Variants in NRXN3 observed in about 807,000 individuals in gnomAD.
NRXN3 encodes neurexin 3.
In NRXN3, 32 loss-of-function variants were observed where a neutral mutation model predicts 137.6. The ratio of observed to expected loss-of-function variants is 0.23; its 90% CI spans 0.18 to 0.31. The LOEUF (loss-of-function observed/expected upper bound fraction) is 0.31, where lower values mean the gene tolerates loss of function less well. Among genes scored for constraint, NRXN3 ranks in the 10% least tolerant of loss-of-function variants. The pLI is 1.00. For synonymous variants in NRXN3, 798 were observed against 784.5 expected (o/e 1.02, Z -0.29); for missense variants, 1,574 against 2,062.5 (o/e 0.76, Z 4.59).
chr14:78,351,618 T>G (rs2083502526), intron 4 of NRXN3, among the ~76,000 whole-genome samples: 1 of 152,134 alleles, frequency 6.6e-6, no homozygotes, highest in Non-Finnish European at 1.5e-5. Context: ...CTGTGAGTTA[T>G]TTGTTCATAT....
intron 10 of NRXN3, among the ~76,000 whole-genome samples, chr14:78,932,377 T>C (rs1249146043): frequency 7.9e-5 from 12 of 152,136 alleles, no homozygotes; most frequent in Admixed American, 4.6e-4. Context: ...GTTTATGGCC[T>C]TATATTTTAG....
chr14:78,502,787 T>A (rs957547972), intron 4 of NRXN3, among the ~76,000 whole-genome samples: 7 of 152,154 alleles, frequency 4.6e-5, no homozygotes, highest in Admixed American at 2.6e-4. Context: ...GTTGGAAATT[T>A]CAAAGTGCTC....
intron 4 of NRXN3, among the ~76,000 whole-genome samples, chr14:78,617,121 T>A (rs1343711651): frequency 1.3e-5 from 2 of 152,166 alleles, no homozygotes; most frequent in African/African-American, 4.8e-5. Context: ...AGCCCTGATA[T>A]GTATATATAT....
intron 4 of NRXN3, among the ~76,000 whole-genome samples, chr14:78,398,419 C>A (rs1231655726): frequency 1.3e-5 from 2 of 152,044 alleles, no homozygotes; most frequent in African/African-American, 4.8e-5. Flanking sequence ...CTTTGTCTGA[C>A]ACTTCTCTGT....
At chr14:79,260,949 A>C (rs1319988434) in intron 15 of NRXN3, among the ~76,000 whole-genome samples, 1 of 152,182 alleles carries the variant, frequency 6.6e-6, no homozygotes, top group Admixed American at 6.5e-5. Context: ...ATTTGATAAC[A>C]AGATCTGGGC....
chr14:79,642,425 T>C (rs1359554493), intron 16 of NRXN3, among the ~76,000 whole-genome samples: 1 of 136,016 alleles, frequency 7.4e-6, no homozygotes, highest in Non-Finnish European at 1.7e-5. Flanking sequence ...GTTGAGATTT[T>C]TTCTCTGTTT....
intron 16 of NRXN3, among the ~76,000 whole-genome samples, chr14:79,658,059 A>AAGTT (rs1297528879): frequency 6.6e-6 from 1 of 152,188 alleles, no homozygotes; most frequent in African/African-American, 2.4e-5. Flanking sequence ...GTGGACAGAT[A>AAGTT]AGTTAGGCCT....
chr14:78,595,763 T>C (rs2097153117), intron 4 of NRXN3, among the ~76,000 whole-genome samples: 1 of 152,162 alleles, frequency 6.6e-6, no homozygotes, highest in East Asian at 1.9e-4. Flanking sequence ...AGACGTAGAA[T>C]TGAGGTCCAA....
rs540286623 is a variant in NRXN3 at position 79,618,352 on chromosome 14, C to T, written c.3445-45426C>T. On this transcript the variant is annotated intron_variant, in intron 16 of 20. Transcript: ENST00000335750. ...TTCAAGCCTCAACCCTTCCCTCCCC[C>T]TCTAGTAATCCCCAGTGTCTATTGT... Among the ~76,000 whole-genome samples the T allele has an allele frequency of 3.1e-4, 47 of 152,196 alleles. 1 individual carries two copies. The South Asian group carries it at 9.1e-3, about 30-fold the overall frequency.
intron 15 of NRXN3, among the ~76,000 whole-genome samples, chr14:79,320,603 T>A (rs1369917071): frequency 6.6e-6 from 1 of 152,138 alleles, no homozygotes; most frequent in East Asian, 1.9e-4. Flanking sequence ...CCTGAAGCAT[T>A]TAAAGTGCAC....
chr14:78,426,019 G>A (rs1340972841), intron 4 of NRXN3, among the ~76,000 whole-genome samples: 1 of 152,204 alleles, frequency 6.6e-6, no homozygotes, highest in African/African-American at 2.4e-5. Context: ...TGCTGCATAG[G>A]TTGTGGGTAG....
At chr14:79,402,023 C>T (rs1167284663) in intron 15 of NRXN3, among the ~76,000 whole-genome samples, 1 of 151,996 alleles carries the variant, frequency 6.6e-6, no homozygotes, top group African/African-American at 2.4e-5. Flanking sequence ...TTTAAGCAGT[C>T]CTCCCACCTC....
intron 15 of NRXN3, among the ~76,000 whole-genome samples, chr14:79,084,438 A>T (rs768141793): frequency 3.3e-5 from 5 of 152,234 alleles, no homozygotes; most frequent in Non-Finnish European, 1.5e-5. Flanking sequence ...AAGGGATATT[A>T]TTTAAAAATA....
chr14:79,481,195 GT>G (rs2096605046), intron 16 of NRXN3, among the ~76,000 whole-genome samples: 2 of 152,150 alleles, frequency 1.3e-5, no homozygotes, highest in African/African-American at 4.8e-5. Context: ...GCAGAATTTT[GT>G]GAAAATGTGC....
At chr14:79,497,393 A>G (rs1398555226) in intron 16 of NRXN3, among the ~76,000 whole-genome samples, 1 of 152,040 alleles carries the variant, frequency 6.6e-6, no homozygotes, top group Non-Finnish European at 1.5e-5. Flanking sequence ...ATACCGTTGT[A>G]TGGCCCTTCC....
At chr14:78,923,802 G>A (rs149088) in intron 10 of NRXN3, among the ~76,000 whole-genome samples, 50,124 of 152,144 alleles carry the variant, frequency 0.33, 10,398 homozygotes, top group African/African-American at 0.58. Flanking sequence ...AGAAGGTACT[G>A]TTAGAGTAGG....
At chr14:78,457,988 A>C (rs1315335619) in intron 4 of NRXN3, among the ~76,000 whole-genome samples, 1 of 152,110 alleles carries the variant, frequency 6.6e-6, no homozygotes, top group African/African-American at 2.4e-5. Flanking sequence ...AAATTCTCTG[A>C]CCTTATCTAG....
intron 4 of NRXN3, among the ~76,000 whole-genome samples, chr14:78,326,730 A>C (rs1252872775): frequency 1.3e-5 from 2 of 152,150 alleles, no homozygotes; most frequent in Admixed American, 1.3e-4. Flanking sequence ...AATTCTGCAA[A>C]TATTTATTTA....
At chr14:79,049,045 A>AT (rs2099637564) in intron 15 of NRXN3, among the ~76,000 whole-genome samples, 1 of 22,122 alleles carries the variant, frequency 4.5e-5, no homozygotes, top group Non-Finnish European at 9.5e-5. Flanking sequence ...AAAAAAAAAA[A>AT]AAAAAAAAAA....
Sources: allele counts gnomAD v4.1 joint callset (sites outside exome capture counted in the v4.1 genomes callset), GRCh38; gene constraint gnomAD v4.1.1; transcripts MANE v1.5; gene names NCBI Gene and HGNC (gene_info 2026-07-23, HGNC 2026-07-21).